The following NPAS3 variants were observed in gnomAD, a reference collection of about 807,000 sequenced individuals.
NPAS3 encodes neuronal PAS domain protein 3.
A neutral mutation model predicts 73.1 loss-of-function variants in NPAS3; 14 were observed. That is an observed-to-expected ratio of 0.19 (90% confidence interval 0.13 to 0.30). NPAS3 has a LOEUF of 0.30. Among genes scored for constraint, NPAS3 ranks in the 10% least tolerant of loss-of-function variants. NPAS3 has a pLI of 1.00. For synonymous variants in NPAS3, 620 were observed against 541.5 expected (o/e 1.14, Z -2.01); for missense variants, 1,096 against 1,250.0 (o/e 0.88, Z 1.86).
intron 6 of NPAS3, among the ~76,000 whole-genome samples, chr14:33,706,850 G>T (rs556260363): frequency 6.6e-6 from 1 of 152,116 alleles, no homozygotes; most frequent in Non-Finnish European, 1.5e-5. Context: ...TCCGTCTCAC[G>T]TCTTTTCAGC....
At chr14:33,035,447 G>A (rs1273289178) in intron 1 of NPAS3, among the ~76,000 whole-genome samples, 2 of 152,238 alleles carry the variant, frequency 1.3e-5, no homozygotes, top group South Asian at 2.1e-4. Flanking sequence ...CTGTGCACAC[G>A]TCTGATCTCC....
chr14:33,460,315 TGCACAGCCGTGAG>T (rs2050205585), intron 4 of NPAS3, among the ~76,000 whole-genome samples: 1 of 152,218 alleles, frequency 6.6e-6, no homozygotes, highest in Non-Finnish European at 1.5e-5. Context: ...CCTTGAATAT[TGCACAGCCGTGAG>T]GCAATCCTTA....
chr14:32,948,535 C>T (rs1219837148), intron 1 of NPAS3, among the ~76,000 whole-genome samples: 1 of 152,040 alleles, frequency 6.6e-6, no homozygotes, highest in Non-Finnish European at 1.5e-5. Context: ...TTCTCTCTTT[C>T]TGTCTCTGGA....
chr14:33,060,525 G>C (rs1035580130), intron 2 of NPAS3, among the ~76,000 whole-genome samples: 3 of 152,214 alleles, frequency 2.0e-5, no homozygotes, highest in Non-Finnish European at 4.4e-5. Flanking sequence ...GATTTAGACA[G>C]TTGTCATTGA....
chr14:33,439,039 A>T (rs17101133), intron 4 of NPAS3, among the ~76,000 whole-genome samples: 11,321 of 152,206 alleles, frequency 0.074, 548 homozygotes, highest in African/African-American at 0.13. Context: ...TCAATTTCCA[A>T]ACTTACCCAA....
chr14:33,442,682 G>T (rs1418715109), intron 4 of NPAS3, among the ~76,000 whole-genome samples: 1 of 152,182 alleles, frequency 6.6e-6, no homozygotes, highest in African/African-American at 2.4e-5. Flanking sequence ...ATTGTGCCAT[G>T]ATTGTAAGTT....
chr14:33,481,499 C>G (rs1368412520), intron 4 of NPAS3, among the ~76,000 whole-genome samples: 1 of 152,192 alleles, frequency 6.6e-6, no homozygotes. Flanking sequence ...ACTTTCTTCA[C>G]CTCTCTAAGA....
At chr14:33,727,980 C>T (rs35484140) in intron 6 of NPAS3, among the ~76,000 whole-genome samples, 58,135 of 152,014 alleles carry the variant, frequency 0.38, 12,324 homozygotes, top group Non-Finnish European at 0.49. Flanking sequence ...GCGATCTTTA[C>T]GATACTCAGT....
chr14:33,490,314 G>A (rs2051830058), intron 4 of NPAS3, among the ~76,000 whole-genome samples: 1 of 152,098 alleles, frequency 6.6e-6, no homozygotes, highest in Non-Finnish European at 1.5e-5. Flanking sequence ...GACACTTGGA[G>A]AGAAAATTGC....
chr14:33,229,984 G>C (rs960517413), intron 3 of NPAS3, among the ~76,000 whole-genome samples: 2 of 152,200 alleles, frequency 1.3e-5, no homozygotes, highest in African/African-American at 2.4e-5. Context: ...CTGAAACGAG[G>C]TAAGGCAGGG....
At chr14:33,139,836 A>G (rs1019503906) in intron 2 of NPAS3, among the ~76,000 whole-genome samples, 1 of 152,172 alleles carries the variant, frequency 6.6e-6, no homozygotes, top group Non-Finnish European at 1.5e-5. Flanking sequence ...TTATCACAGA[A>G]AGTTCTACTG....
At chr14:33,644,384 C>T (rs528614290) in intron 5 of NPAS3, among the ~76,000 whole-genome samples, 2 of 152,254 alleles carry the variant, frequency 1.3e-5, no homozygotes, top group Non-Finnish European at 2.9e-5. Context: ...AAACTTGAAG[C>T]GTTAGAGTTA....
At chr14:33,554,128 G>T (rs12586912) in intron 4 of NPAS3, among the ~76,000 whole-genome samples, 50,851 of 152,098 alleles carry the variant, frequency 0.33, 9,764 homozygotes, top group East Asian at 0.52. Context: ...CTCAAGGGCA[G>T]ACCCACTTCT....
At chr14:33,353,699 T>A (rs866253663) in intron 3 of NPAS3, among the ~76,000 whole-genome samples, 6 of 152,198 alleles carry the variant, frequency 3.9e-5, no homozygotes, top group African/African-American at 1.4e-4. Flanking sequence ...ACTCTAGTAG[T>A]GGAGACTGGA....
chr14:33,594,145 T>C (rs1294556630), intron 5 of NPAS3, among the ~76,000 whole-genome samples: 1 of 152,184 alleles, frequency 6.6e-6, no homozygotes, highest in Non-Finnish European at 1.5e-5. Context: ...ACTAAAATTA[T>C]CAGGTGCTCA....
intron 4 of NPAS3, among the ~76,000 whole-genome samples, chr14:33,400,656 AAGAC>A (rs1418928506): frequency 6.6e-6 from 1 of 152,124 alleles, no homozygotes; most frequent in Non-Finnish European, 1.5e-5. Flanking sequence ...GTTCAATGAG[AAGAC>A]AGTCAGTCCA....
intron 3 of NPAS3, among the ~76,000 whole-genome samples, chr14:33,290,540 G>A (rs1259659325): frequency 1.3e-5 from 2 of 152,200 alleles, no homozygotes; most frequent in African/African-American, 4.8e-5. Context: ...AGCTGTGTGG[G>A]TGAGTTAACA....
intron 4 of NPAS3, among the ~76,000 whole-genome samples, chr14:33,530,116 T>A (rs531061355): frequency 6.6e-6 from 1 of 152,270 alleles, no homozygotes; most frequent in Admixed American, 6.5e-5. Context: ...ATTTAATGCA[T>A]AAAATATGTA....
chr14:33,139,446 C>T (rs2043962378), intron 2 of NPAS3, among the ~76,000 whole-genome samples: 1 of 152,100 alleles, frequency 6.6e-6, no homozygotes, highest in African/African-American at 2.4e-5. Flanking sequence ...AACTTGCCAA[C>T]AGGAGAGGTG....
Sources: gnomAD v4.1 joint callset for allele counts (sites outside exome capture counted in the v4.1 genomes callset) on GRCh38, gnomAD v4.1.1 for gene constraint, MANE v1.5 for transcripts, NCBI Gene and HGNC (gene_info 2026-07-23, HGNC 2026-07-21) for gene names.